The following SND1 variants were observed in gnomAD, a reference collection of about 807,000 sequenced individuals.
SND1 encodes the protein staphylococcal nuclease and tudor domain containing 1.
A neutral mutation model predicts 121.7 loss-of-function variants in SND1; 38 were observed. That is an observed-to-expected ratio of 0.31 (90% CI 0.24 to 0.41). The LOEUF is 0.41. SND1 is among the 10% of genes least tolerant of loss of function. The pLI, the probability that SND1 is intolerant of heterozygous loss-of-function variation, is 1.00. For synonymous variants in SND1, 401 were observed against 447.4 expected (o/e 0.90, Z 1.31); for missense variants, 868 against 1,184.6 (o/e 0.73, Z 3.92).
At chr7:128,040,437 T>TAAAAAAAAAA (rs67595921) in intron 16 of SND1, among the ~76,000 whole-genome samples, 2 of 32,896 alleles carry the variant, frequency 6.1e-5, no homozygotes, top group South Asian at 1.9e-3. Flanking sequence ...GTCCTATCTT[T>TAAAAAAAAAA]AAAAAAAAAA....
Position 128,085,765 on chromosome 7 carries a change from C to T in SND1, c.2289C>T (p.Tyr763=), listed in dbSNP as rs1355545997. 6.2e-7 allele frequency: 1 copy of T among 1,614,068 alleles called. No individual in the cohort carries two copies. Among genetic ancestry groups the T allele is most frequent in the East Asian group, 2.2e-5 (1 of 44,872 alleles). The change falls in exon 20 of 24, where the codon TAC becomes TAT. Residue 763 remains tyrosine, a synonymous_variant. Coordinates refer to ENST00000354725, the MANE Select transcript of SND1 (RefSeq NM_014390.4). The surrounding 1 kb of genome is among the most constrained non-coding windows in gnomAD (Gnocchi z 4.4). ...CTCCTGCCAAAATACATGTCTTCTA[C>T]ATTGACTACGGCAACGTGAGTGTTG... ...VESPAKIHVF[Y]IDYGNREVLP... is the part of the protein sequence containing the mutation.
At chr7:128,066,713 T>C (rs545194221) in intron 16 of SND1, among the ~76,000 whole-genome samples, 8 of 152,308 alleles carry the variant, frequency 5.3e-5, no homozygotes, top group Admixed American at 4.6e-4. Flanking sequence ...GTTAAACTGT[T>C]ACTGTGTTAA....
At chr7:127,959,940 G>A (rs1191621840) in intron 15 of SND1, among the ~76,000 whole-genome samples, 1 of 152,100 alleles carries the variant, frequency 6.6e-6, no homozygotes, top group Non-Finnish European at 1.5e-5. Flanking sequence ...CTCATTACTG[G>A]GTAAACATCA....
intron 12 of SND1, among the ~76,000 whole-genome samples, chr7:127,884,478 C>T (rs1019678907): frequency 1.3e-5 from 2 of 152,116 alleles, no homozygotes; most frequent in African/African-American, 2.4e-5. Context: ...CAGCCAATAG[C>T]GGAGCGCAAC....
chr7:127,872,671 A>T (rs1036753458), intron 12 of SND1, among the ~76,000 whole-genome samples: 24 of 139,610 alleles, frequency 1.7e-4, no homozygotes, highest in African/African-American at 6.1e-4. Context: ...CACACACACG[A>T]CTCTGCCACG....
chr7:127,770,966 T>G (rs1445358127), intron 10 of SND1, among the ~76,000 whole-genome samples: 2 of 152,212 alleles, frequency 1.3e-5, no homozygotes, highest in Non-Finnish European at 2.9e-5. Context: ...GGTAATGTTT[T>G]CTTTATGAGT....
chr7:128,075,803 G>GCCT (rs973542707), intron 17 of SND1, among the ~76,000 whole-genome samples: 2 of 152,200 alleles, frequency 1.3e-5, no homozygotes, highest in African/African-American at 4.8e-5. Context: ...CTCACATCAA[G>GCCT]CCTCCTCCTC....
chr7:127,909,450 A>AT (rs533026171), intron 14 of SND1, among the ~76,000 whole-genome samples: 5,572 of 140,290 alleles, frequency 0.04, 207 homozygotes, highest in African/African-American at 0.098. Flanking sequence ...AGTATTTCTG[A>AT]TTTTTTTTTT....
At chr7:128,074,767 C>T (rs1793478428) in intron 17 of SND1, 77 bp downstream of exon 17, 1 of 1,380,578 alleles carries the variant, frequency 7.2e-7, no homozygotes, top group Admixed American at 2.1e-5. Flanking sequence ...CTCCAGAGAA[C>T]AGGAGGAAGT....
At chr7:128,078,936 C>T (rs1584777237) in intron 17 of SND1, among the ~76,000 whole-genome samples, 1 of 152,224 alleles carries the variant, frequency 6.6e-6, no homozygotes, top group East Asian at 1.9e-4. Context: ...GCATGGGATG[C>T]AGAGCAGAGG....
intron 1 of SND1, among the ~76,000 whole-genome samples, chr7:127,664,033 T>A (rs1440276903): frequency 6.6e-6 from 1 of 152,238 alleles, no homozygotes; most frequent in Non-Finnish European, 1.5e-5. Context: ...TAGTCATTTC[T>A]TTTTTGCTTT....
At chr7:127,900,770 C>CT (rs1168802894) in intron 13 of SND1, among the ~76,000 whole-genome samples, 2 of 152,190 alleles carry the variant, frequency 1.3e-5, no homozygotes, top group Admixed American at 6.5e-5. Flanking sequence ...TGGATATATA[C>CT]TTTCTTTCCC....
chr7:127,849,482 G>C (rs1799126537), intron 12 of SND1, among the ~76,000 whole-genome samples: 1 of 152,146 alleles, frequency 6.6e-6, no homozygotes, highest in Non-Finnish European at 1.5e-5. Flanking sequence ...TATAACTAGG[G>C]TAAGCCACAC....
rs532137047 is a variant in SND1, at chr7:127,894,144, G to A, written c.1454+6132G>A. 4.6e-5 allele frequency among the ~76,000 whole-genome samples: 7 copies of A among 152,168 alleles called. 1 individual carries two copies. The South Asian group carries it at 1.5e-3, about 32-fold the overall frequency. The stretch of plus-strand genomic sequence containing the variant: ...TATTAAGAGGGATTCAGTATTAATT[G>A]CATATCTCTCTTGGTAACGCAGTTA... On this transcript the variant is annotated intron_variant, in intron 13 of 23. Transcript: ENST00000354725.
intron 10 of SND1, among the ~76,000 whole-genome samples, chr7:127,722,452 AG>A (rs1796513232): frequency 6.6e-6 from 1 of 151,918 alleles, no homozygotes; most frequent in African/African-American, 2.4e-5. Context: ...CTGAGTAGCT[AG>A]GACTATAGGT....
At chr7:127,728,445 A>G (rs1413619505) in intron 10 of SND1, among the ~76,000 whole-genome samples, 1 of 152,096 alleles carries the variant, frequency 6.6e-6, no homozygotes, top group Non-Finnish European at 1.5e-5. Context: ...TTGCTTCCAG[A>G]GTTGTCAGCA....
chr7:127,841,695 T>G (rs927405051), intron 11 of SND1, among the ~76,000 whole-genome samples: 3 of 152,110 alleles, frequency 2.0e-5, no homozygotes, highest in African/African-American at 7.2e-5. Context: ...TGCCCTTTTT[T>G]TGGCCTATAT....
chr7:127,907,986 G>A (rs1170960309), intron 14 of SND1, among the ~76,000 whole-genome samples: 4 of 152,156 alleles, frequency 2.6e-5, no homozygotes, highest in Admixed American at 6.6e-5. Flanking sequence ...GGCTTAGAAC[G>A]TAAGATACCA....
chr7:128,008,010 T>C (rs1038886783), intron 16 of SND1: 14 of 152,216 alleles, frequency 9.2e-5, no homozygotes, highest in African/African-American at 2.2e-4. Flanking sequence ...TCCTACTGTA[T>C]TGCTCTTACC....
Sources: allele counts gnomAD v4.1 joint callset (sites outside exome capture counted in the v4.1 genomes callset), GRCh38; gene constraint gnomAD v4.1.1; non-coding constraint Gnocchi (gnomAD v3.1); transcripts MANE v1.5; gene names NCBI Gene and HGNC (gene_info 2026-07-23, HGNC 2026-07-21).